Variants in OGA observed in about 807,000 individuals in gnomAD.
OGA encodes the protein protein O-GlcNAcase.
Under a neutral mutation model 102.0 loss-of-function variants are expected in OGA, and 21 were observed. The ratio of observed to expected loss-of-function variants is 0.21; its 90% CI spans 0.15 to 0.30. OGA has a LOEUF of 0.30. Among genes scored for constraint, OGA ranks in the 10% least tolerant of loss-of-function variants. The probability of loss-of-function intolerance (pLI) is 1.00; values close to 1 mark genes in which losing one functional copy is unlikely to be tolerated. For missense variants in OGA, 765 were observed against 1,107.8 expected (o/e 0.69, Z 4.39); for synonymous variants, 408 against 378.2 (o/e 1.08, Z -0.91).
At chr10:101,787,752 T>A in intron 14 of OGA, 1 of 477,936 alleles carries the variant, frequency 2.1e-6, no homozygotes. Context: ...CTCCCTCGCG[T>A]GCACGCGCTC....
intron 12 of OGA, chr10:101,792,551 T>C (rs1465300378): frequency 1.1e-5 from 3 of 264,422 alleles, no homozygotes; most frequent in Non-Finnish European, 2.1e-5. Context: ...TAGAGATAAT[T>C]AGTCTAAGGA....
chr10:101,792,803 C>T, intron 12 of OGA, 36 bp downstream of exon 12: 1 of 1,435,906 alleles, frequency 7.0e-7, no homozygotes, highest in Non-Finnish European at 9.8e-7. Flanking sequence ...GTGCACCATA[C>T]CCATACACCA....
intron 7 of OGA, among the ~76,000 whole-genome samples, chr10:101,803,461 AAC>A (rs1491085369): frequency 1.1e-4 from 15 of 137,068 alleles, no homozygotes; most frequent in African/African-American, 2.6e-4. Flanking sequence ...AAAAAAAAAA[AAC>A]AAAAAAAAAA....
rs1256138610 is a variant in OGA at position 101,800,133 on chromosome 10, A to G, written c.1195+109T>C. On this transcript the variant is annotated intron_variant, in intron 8 of 15. Transcript: ENST00000361464. Reference sequence around the variant, plus strand: ...GGTGATCCGCCTGCCTCGGCCTCCCAAAGTGCTGAGATTACAGGTGTGAGC... The same window carrying G: ...GGTGATCCGCCTGCCTCGGCCTCCCGAAGTGCTGAGATTACAGGTGTGAGC... The G allele has an allele frequency of 6.4e-6, 8 of 1,248,690 alleles. No homozygotes were observed. In the East Asian group the frequency reaches 1.4e-4, roughly 23 times the overall value. The allele number at this position is 1,248,690 out of a possible 1,614,324, so 77.4% of individuals were successfully genotyped here.
Position 101,818,208 on chromosome 10 carries a change from G to A in OGA, c.-186C>T, listed in dbSNP as rs753378564. 7.6e-5 allele frequency: 103 copies of A among 1,347,732 alleles called. No homozygotes were observed. In the East Asian group the frequency reaches 2.4e-3, roughly 32 times the overall value. The allele number at this position is 1,347,732 out of a possible 1,614,324, so 83.5% of individuals were successfully genotyped here. A position where few individuals can be genotyped will look rare whatever the true frequency, so the allele number is the denominator to read the frequency against. ...CGAATGCCCGGATGAGAAGGGCGGC[G>A]GCACCGGCGCGAGCCCTTTGTCAGC... is the stretch of plus-strand genomic sequence containing the variant. On this transcript the variant is annotated 5_prime_UTR_variant, in exon 1 of 16. Coordinates refer to ENST00000361464, the MANE Select transcript of OGA (RefSeq NM_012215.5).
At chr10:101,805,026 C>T (rs1375724702) in intron 6 of OGA, among the ~76,000 whole-genome samples, 2 of 151,960 alleles carry the variant, frequency 1.3e-5, no homozygotes, top group Non-Finnish European at 2.9e-5. Context: ...CCCTATAAAT[C>T]TTTATTATTT....
chr10:101,816,155 TG>T (rs1204386365), intron 1 of OGA, among the ~76,000 whole-genome samples: 1 of 151,886 alleles, frequency 6.6e-6, no homozygotes, highest in Non-Finnish European at 1.5e-5. Context: ...CCCAGCTACT[TG>T]GGAGGGTGAG....
intron 12 of OGA, 92 bp from the exon 13 acceptor site, chr10:101,791,531 C>CA: frequency 1.1e-6 from 1 of 901,854 alleles, no homozygotes; most frequent in East Asian, 2.5e-5. Flanking sequence ...GAGGGAGTAA[C>CA]AAAATGGCCT....
chr10:101,797,914 T>C, intron 10 of OGA, 66 bp downstream of exon 10: 1 of 1,488,760 alleles, frequency 6.7e-7, no homozygotes, highest in Non-Finnish European at 9.3e-7. Flanking sequence ...TTTTTCTCCC[T>C]GTGGGATAAT....
Position 101,818,053 on chromosome 10 carries a change from G to C in OGA, c.-31C>G. 5 of 1,536,494 alleles carry C rather than the reference G, an allele frequency of 3.3e-6. No individual in the cohort carries two copies. The highest frequency in any genetic ancestry group is 4.4e-6 in the Non-Finnish European group (5 of 1,137,650). ...TGCCCCCGGCCGCTGCCACCTCTGC[G>C]GGTCCTCCTCGACCTCTGTCCGTTG... On this transcript the variant is annotated 5_prime_UTR_variant, in exon 1 of 16. Transcript: ENST00000361464.
chr10:101,817,880 G>C lies in OGA; in HGVS notation c.143C>G (p.Ala48Gly). The C allele has an allele frequency of 6.4e-7, 1 of 1,553,656 alleles. No homozygotes were observed. Among genetic ancestry groups the C allele is most frequent in the Non-Finnish European group, 8.7e-7 (1 of 1,152,684 alleles). ...CCCTCCTGCAGCCCCGGCCACCGCC[G>C]CTCCCCCAGCCCCGGCGGGGTTGTC... ...GEDNPAGAGG[A>G]AVAGAAGGAR... The change falls in exon 1 of 16, where the codon GCG becomes GGG. Residue 48 changes from alanine (A) to glycine (G), a missense_variant. Ala to Gly is a moderately conservative substitution (Grantham distance 60). Transcript: ENST00000361464.
Position 101,818,004 on chromosome 10 carries a change from G to T in OGA, c.19C>A (p.Gln7Lys). Residue 7 changes from glutamine (Q) to lysine (K), a missense_variant, in exon 1 of 16, where the codon CAA (glutamine) becomes AAA (lysine). Coordinates refer to ENST00000361464, the MANE Select transcript of OGA (RefSeq NM_012215.5). ...CTCTCCCGCTCCTCCAACGTCGCTT[G>T]ACTCTCCTTCTGCACCATCCTCCTG... MVQKESQATLEERESEL... is the reference protein window; with the variant it reads MVQKESKATLEERESEL... 1 of 1,602,818 alleles carries T rather than the reference G, an allele frequency of 6.2e-7. No homozygotes were observed. The highest frequency in any genetic ancestry group is 8.5e-7 in the Non-Finnish European group (1 of 1,172,334).
In OGA at chr10:101,798,696, G is replaced by A. The variant is rs552024944; in HGVS notation, c.1809+146C>T. 2.7e-5 allele frequency: 28 copies of A among 1,051,002 alleles called. No homozygotes were observed. The South Asian group carries it at 4.0e-4, about 15-fold the overall frequency. The allele number at this position is 1,051,002 out of a possible 1,614,324, so 65.1% of individuals were successfully genotyped here. A position where few individuals can be genotyped will look rare whatever the true frequency, so the allele number is the denominator to read the frequency against. ...CCCAAAGTTCTGGGACTACAGGCAT[G>A]AGCCATCATAACCGGCCTAAAGAAC... is the stretch of plus-strand genomic sequence containing the variant. On this transcript the variant is annotated intron_variant, in intron 9 of 15. Coordinates refer to ENST00000361464, the MANE Select transcript of OGA (RefSeq NM_012215.5).
At chr10:101,815,659 T>C (rs1231689120) in intron 1 of OGA, among the ~76,000 whole-genome samples, 1 of 152,158 alleles carries the variant, frequency 6.6e-6, no homozygotes. Flanking sequence ...TATCATTTTT[T>C]TTTTAAGGAG....
In OGA at chr10:101,818,395, C is replaced by A. The variant is rs1478716427; in HGVS notation, c.-373G>T. On this transcript the variant is annotated 5_prime_UTR_variant, in exon 1 of 16. Coordinates refer to ENST00000361464, the MANE Select transcript of OGA (RefSeq NM_012215.5). Reference sequence around the variant, plus strand: ...CTTCCGCTGTTTCCCCTCCAAGCCCCGAGCTCTCCCTCTGCTGCTGCCTCC... The same window carrying A: ...CTTCCGCTGTTTCCCCTCCAAGCCCAGAGCTCTCCCTCTGCTGCTGCCTCC... 2 of 1,028,648 alleles carry A rather than the reference C, an allele frequency of 1.9e-6. No individual in the cohort carries two copies. Among genetic ancestry groups the A allele is most frequent in the African/African-American group, 3.4e-5 (2 of 58,546 alleles). The allele number at this position is 1,028,648 out of a possible 1,614,324, so 63.7% of individuals were successfully genotyped here.
chr10:101,816,662 G>C (rs1312939067), intron 1 of OGA, among the ~76,000 whole-genome samples: 1 of 152,058 alleles, frequency 6.6e-6, no homozygotes, highest in East Asian at 1.9e-4. Context: ...ATACTATATA[G>C]CAGTTTTCCA....
Position 101,813,592 on chromosome 10 carries a change from G to A in OGA, c.214C>T (p.Pro72Ser). Reference protein sequence around the residue: ...CGVVEGFYGRPWVMEQRKELF... With the variant: ...CGVVEGFYGRSWVMEQRKELF... ...TCTTTTCTCTGTTCCATAACCCAAG[G>A]TCTTCCATAAAATCCTAGATTCAAA... The change falls in exon 2 of 16, where the codon CCT becomes TCT. Residue 72 changes from proline (P) to serine (S), a missense_variant. This residue lies in a region of OGA where 165 missense variants were observed against 249.7 expected (regional missense o/e 0.66). Coordinates refer to ENST00000361464, the MANE Select transcript of OGA (RefSeq NM_012215.5). 6.4e-7 allele frequency: 1 copy of A among 1,556,806 alleles called. No individual in the cohort carries two copies. Among genetic ancestry groups the A allele is most frequent in the Non-Finnish European group, 8.8e-7 (1 of 1,135,998 alleles).
chr10:101,808,276 A>C (rs1448398313), intron 4 of OGA, among the ~76,000 whole-genome samples: 1 of 152,220 alleles, frequency 6.6e-6, no homozygotes, highest in Non-Finnish European at 1.5e-5. Flanking sequence ...GAGCTCAAAG[A>C]GTTTCATATT....
At chr10:101,800,492 G>C in intron 7 of OGA, 92 bp from the exon 8 acceptor site, 2 of 916,348 alleles carry the variant, frequency 2.2e-6, no homozygotes, top group Non-Finnish European at 3.3e-6. Context: ...AGTTTTCACA[G>C]TATAACCACA....
Sources: allele counts gnomAD v4.1 joint callset (sites outside exome capture counted in the v4.1 genomes callset), GRCh38; gene constraint gnomAD v4.1.1; regional missense constraint gnomAD v4.1.1; transcripts MANE v1.5; gene names NCBI Gene and HGNC (gene_info 2026-07-23, HGNC 2026-07-21).